RYR1: variants seen among roughly 807,000 people sequenced by gnomAD.
RYR1 encodes the protein central core disease of muscle.
A neutral mutation model predicts 583.5 loss-of-function variants in RYR1; 342 were observed. That is an observed-to-expected ratio of 0.59 (90% CI 0.54 to 0.64). RYR1 has a LOEUF of 0.64. RYR1 is among the 30% of genes least tolerant of loss of function. RYR1 has a pLI of 0.00. For synonymous variants in RYR1, 2,791 were observed against 2,822.5 expected, an observed-to-expected ratio of 0.99 and a Z score of 0.35; for missense variants, 6,032 against 6,917.2, an observed-to-expected ratio of 0.87 and a Z score of 4.54.
chr19:38,498,066 G>A (rs1337925416), intron 42 of RYR1, among the ~76,000 whole-genome samples: 2 of 152,184 alleles, frequency 1.3e-5, no homozygotes, highest in Non-Finnish European at 1.5e-5. Flanking sequence ...TCATGGGGAA[G>A]AGCATTCTAG....
In RYR1 at chr19:38,546,529, A is replaced by G. The variant is rs1972431023; in HGVS notation, c.12094+3A>G. On this transcript the variant is annotated splice_donor_region_variant and intron_variant, in intron 88 of 105. Coordinates refer to ENST00000359596, the MANE Select transcript of RYR1 (RefSeq NM_000540.3). ...GATGTTGCTGTCGCTACTAGAAGGT[A>G]AACACCCAGGAGTGAGGGTGAGGGA... 1.2e-6 allele frequency: 2 copies of G among 1,612,304 alleles called. No homozygotes were observed. Among genetic ancestry groups the G allele is most frequent in the Admixed American group, 1.7e-5 (1 of 59,874 alleles).
In RYR1 at chr19:38,467,770, G is replaced by T. The variant is rs979712762; in HGVS notation, c.3339G>T (p.Glu1113Asp). 6.2e-7 allele frequency: 1 copy of T among 1,614,092 alleles called. No homozygotes were observed. Among genetic ancestry groups the T allele is most frequent in the African/African-American group, 1.3e-5 (1 of 74,948 alleles). The change falls in exon 25 of 106, where the codon GAG becomes GAT. Residue 1113 changes from glutamate (E) to aspartate (D), a missense_variant. Glu to Asp is a conservative substitution (Grantham distance 45). This residue lies in a region of RYR1 where 2,627 missense variants were observed against 2,961.3 expected (regional missense o/e 0.89). Transcript: ENST00000359596. The stretch of plus-strand genomic sequence containing the variant: ...GGCCCGAGCTGAGGCCTGATGTAGA[G>T]CTGGGAGCTGACGAGCTGGCCTATG... The part of the protein sequence containing the change: ...WARPELRPDV[E>D]LGADELAYVF...
Position 38,490,087 on chromosome 19 carries a change from G to T in RYR1, c.5826G>T (p.Leu1942=). The change falls in exon 36 of 106, where the codon CTG becomes CTT. Residue 1942 remains leucine (L), a synonymous_variant. Coordinates refer to ENST00000359596, the MANE Select transcript of RYR1 (RefSeq NM_000540.3). ...CTGTCCTTCCACAGATGTGCCACCT[G>T]CTGGAGTATTTCTGTGACCAAGAGC... The part of the protein sequence containing the change: ...PESVKLQMCH[L]LEYFCDQELQ... 1 of 1,614,064 alleles carries T rather than the reference G, an allele frequency of 6.2e-7. No homozygotes were observed. The highest frequency in any genetic ancestry group is 8.5e-7 in the Non-Finnish European group (1 of 1,180,038).
intron 102 of RYR1, among the ~76,000 whole-genome samples, chr19:38,585,410 TTATATA>T (rs1402891122): frequency 6.8e-6 from 1 of 147,296 alleles, no homozygotes; most frequent in African/African-American, 2.5e-5. Flanking sequence ...ATATATGTGT[TTATATA>T]TATTTATATA....
At chr19:38,547,905 G>T (rs747038077) in intron 88 of RYR1, among the ~76,000 whole-genome samples, 5 of 152,058 alleles carry the variant, frequency 3.3e-5, no homozygotes, top group Admixed American at 6.5e-5. Flanking sequence ...TAGAGACGGG[G>T]TTTCACCATG....
rs1972310756 is a variant in RYR1 at position 38,543,850 on chromosome 19, C to T, written c.11987C>T (p.Ala3996Val). Residue 3996 changes from alanine to valine, a missense_variant, in exon 87 of 106, where the codon GCC (alanine) becomes GTC (valine). Transcript: ENST00000359596. The surrounding 1 kb of genome is among the most constrained non-coding windows in gnomAD (Gnocchi z 4.4). ...GTGGTGGGATTCCTGCACGTGTTCG[C>T]CCACATGATGATGAAGCTCGCTCAG... ...DAVVGFLHVF[A>V]HMMMKLAQDS... 6.2e-7 allele frequency: 1 copy of T among 1,613,802 alleles called. No individual in the cohort carries two copies. The highest frequency in any genetic ancestry group is 2.2e-5 in the East Asian group (1 of 44,882).
chr19:38,459,046 G>A lies in RYR1; in HGVS notation c.2168-100G>A, dbSNP rs1342551170. ...CACTTTCCATTAGGGTTTCCAGGAT[G>A]CAATCTCCACAGGAGCCTCCAATAT... On this transcript the variant is annotated intron_variant, in intron 18 of 105. Coordinates refer to ENST00000359596, the MANE Select transcript of RYR1 (RefSeq NM_000540.3). 1.3e-5 allele frequency: 14 copies of A among 1,039,852 alleles called. No individual in the cohort carries two copies. The Admixed American group carries it at 2.5e-4, about 19-fold the overall frequency. The allele number at this position is 1,039,852 out of a possible 1,614,324, so 64.4% of individuals were successfully genotyped here. A position where few individuals can be genotyped will look rare whatever the true frequency, so the allele number is the denominator to read the frequency against.
Position 38,499,326 on chromosome 19 carries a change from G to C in RYR1, c.7027+83G>C. The C allele has an allele frequency of 6.2e-7, 1 of 1,602,694 alleles. No individual in the cohort carries two copies. The highest frequency in any genetic ancestry group is 8.5e-7 in the Non-Finnish European group (1 of 1,170,966). On this transcript the variant is annotated intron_variant, in intron 43 of 105. Transcript: ENST00000359596. This position sits in a 1 kb window ranked among gnomAD's most constrained non-coding sequence, Gnocchi z 7.3. ...CCCTCGAGATGACTGCTCGCACCCT[G>C]AGCCACAGATGGGGTCCAGGCAGGA... is the stretch of plus-strand genomic sequence containing the variant.
chr19:38,477,763 G>GGGTT lies in RYR1; in HGVS notation c.4349_4350insTTGG (p.Val1452LeufsTer5). On this transcript the variant is annotated frameshift_variant, in exon 30 of 106. Coordinates refer to ENST00000359596, the MANE Select transcript of RYR1 (RefSeq NM_000540.3). LOFTEE classifies it high-confidence loss of function. The stretch of plus-strand genomic sequence containing the variant: ...GACAGGAGCCCAGCTGCGTGTGGGC[G>GGGTT]GGCTGGGTCACCCCTGACTACCATC... The GGGTT allele has an allele frequency of 1.2e-6, 2 of 1,614,122 alleles. No individual in the cohort carries two copies. Among genetic ancestry groups the GGGTT allele is most frequent in the South Asian group, 2.2e-5 (2 of 91,068 alleles).
At position 38,451,759 on chromosome 19, in the gene RYR1, C is replaced by G; in HGVS notation, c.1123-5C>G. On this transcript the variant is annotated splice_polypyrimidine_tract_variant and splice_region_variant and intron_variant, in intron 11 of 105. Coordinates refer to ENST00000359596, the MANE Select transcript of RYR1 (RefSeq NM_000540.3). ...CACTCCAGACCTCTGTCTCCCCACTCCTAGGCCATGCTGCACCAGGAGGGC... is the reference window on the plus strand; with the variant it reads ...CACTCCAGACCTCTGTCTCCCCACTGCTAGGCCATGCTGCACCAGGAGGGC... 6.2e-7 allele frequency: 1 copy of G among 1,614,130 alleles called. No homozygotes were observed. The highest frequency in any genetic ancestry group is 8.5e-7 in the Non-Finnish European group (1 of 1,180,012).
At chr19:38,463,317 G>A (rs910684597) in intron 20 of RYR1, 106 bp from the exon 21 acceptor site, 13 of 885,370 alleles carry the variant, frequency 1.5e-5, no homozygotes, top group Non-Finnish European at 2.2e-5. Context: ...GGGAAAGGGG[G>A]TGCTGGAGGA....
In RYR1 at chr19:38,467,065, C is replaced by T. The variant is rs545715392; in HGVS notation, c.3179-545C>T. On this transcript the variant is annotated intron_variant, in intron 24 of 105. Transcript: ENST00000359596. ...ATCACTAATCTCTGAACTGTAGCTA[C>T]CACATGAAGGCACCCAACCAAGGGC... Among the ~76,000 whole-genome samples the T allele has an allele frequency of 6.6e-5, 10 of 152,274 alleles. No homozygotes were observed. In the South Asian group the frequency reaches 1.7e-3, roughly 25 times the overall value.
chr19:38,445,702 C>A (rs1372284118), intron 7 of RYR1, among the ~76,000 whole-genome samples: 1 of 152,066 alleles, frequency 6.6e-6, no homozygotes, highest in Admixed American at 6.6e-5. Flanking sequence ...AAAATCAATA[C>A]TCAAGGCCAA....
chr19:38,496,139 A>C lies in RYR1; in HGVS notation c.6549-76A>C. 1.7e-6 allele frequency: 2 copies of C among 1,185,628 alleles called. No homozygotes were observed. The highest frequency in any genetic ancestry group is 1.9e-4 in the Middle Eastern group (1 of 5,270). The allele number at this position is 1,185,628 out of a possible 1,614,324, so 73.4% of individuals were successfully genotyped here. A position where few individuals can be genotyped will look rare whatever the true frequency, so the allele number is the denominator to read the frequency against. On this transcript the variant is annotated intron_variant, in intron 39 of 105. Coordinates refer to ENST00000359596, the MANE Select transcript of RYR1 (RefSeq NM_000540.3). This position sits in a 1 kb window ranked among gnomAD's most constrained non-coding sequence, Gnocchi z 4.8. ...CAGAGTGAGAGGGTCAAGAATGCCA[A>C]CGCTGTCACAGTGGTGGCTATGGCC...
intron 78 of RYR1, 129 bp from the exon 79 acceptor site, chr19:38,534,591 G>A (rs1406041495): frequency 1.5e-5 from 12 of 778,366 alleles, no homozygotes; most frequent in African/African-American, 8.5e-5. Context: ...AGGGGATGGA[G>A]GGAGCTCATG....
intron 102 of RYR1, among the ~76,000 whole-genome samples, chr19:38,585,309 A>G (rs1416532682): frequency 1.3e-5 from 2 of 151,368 alleles, no homozygotes; most frequent in Non-Finnish European, 2.9e-5. Flanking sequence ...TGTGATCAGG[A>G]TTAAGTCAGT....
Position 38,448,734 on chromosome 19 carries a change from A to AG in RYR1, c.1044dup (p.His349AlafsTer156). Reference sequence around the variant, plus strand: ...TACGGGGAGTCACTGTGCTTCGTGCAGCATGTGGCCTCAGGACTGTGGCTC... The same window carrying AG: ...TACGGGGAGTCACTGTGCTTCGTGCAGGCATGTGGCCTCAGGACTGTGGCTC... On this transcript the variant is annotated frameshift_variant, in exon 11 of 106. Coordinates refer to ENST00000359596, the MANE Select transcript of RYR1 (RefSeq NM_000540.3). LOFTEE classifies it high-confidence loss of function. The AG allele has an allele frequency of 6.2e-7, 1 of 1,614,250 alleles. No individual in the cohort carries two copies. The highest frequency in any genetic ancestry group is 8.5e-7 in the Non-Finnish European group (1 of 1,180,048).
At chr19:38,470,945 C>G (rs1213509204) in intron 27 of RYR1, among the ~76,000 whole-genome samples, 2 of 152,140 alleles carry the variant, frequency 1.3e-5, no homozygotes, top group East Asian at 3.8e-4. Flanking sequence ...CTGCCACTAC[C>G]AGATGTCCCC....
chr19:38,549,716 T>TG (rs1361776801), intron 89 of RYR1, among the ~76,000 whole-genome samples: 4 of 145,858 alleles, frequency 2.7e-5, no homozygotes, highest in Non-Finnish European at 6.0e-5. Context: ...TTTTTTTTTT[T>TG]TTTTTTGAGA....
Sources: allele counts gnomAD v4.1 joint callset (sites outside exome capture counted in the v4.1 genomes callset), GRCh38; gene constraint gnomAD v4.1.1; regional missense constraint gnomAD v4.1.1; non-coding constraint Gnocchi (gnomAD v3.1); transcripts MANE v1.5; gene names NCBI Gene and HGNC (gene_info 2026-07-23, HGNC 2026-07-21).